ADGRB3: variants seen among roughly 807,000 people sequenced by gnomAD.
ADGRB3 encodes brain-specific angiogenesis inhibitor 3.
ADGRB3 carries 37 observed loss-of-function variants against 193.4 expected under a neutral mutation model. That is an observed-to-expected ratio of 0.19 (90% CI 0.15 to 0.25). ADGRB3 has a LOEUF of 0.25. Ranked by LOEUF, ADGRB3 falls within the 10% of genes least tolerant of loss-of-function variation. The probability of loss-of-function intolerance (pLI) is 1.00; values close to 1 mark genes in which losing one functional copy is unlikely to be tolerated. For synonymous variants in ADGRB3, 690 were observed against 644.2 expected (o/e 1.07, Z -1.08); for missense variants, 1,637 against 1,852.9 (o/e 0.88, Z 2.14).
chr6:69,351,249 C>T (rs990355913), intron 26 of ADGRB3, among the ~76,000 whole-genome samples: 3 of 152,036 alleles, frequency 2.0e-5, no homozygotes, highest in Admixed American at 6.6e-5. Flanking sequence ...CCTGCCACCA[C>T]GCCCTGCTAA....
chr6:69,108,502 T>C (rs1231535985), intron 17 of ADGRB3, among the ~76,000 whole-genome samples: 2 of 152,082 alleles, frequency 1.3e-5, no homozygotes, highest in Non-Finnish European at 1.5e-5. Flanking sequence ...TTCTTTCAGC[T>C]TGCAATGCAG....
chr6:69,058,604 C>T (rs1489511042), intron 15 of ADGRB3, among the ~76,000 whole-genome samples: 1 of 151,714 alleles, frequency 6.6e-6, no homozygotes, highest in Non-Finnish European at 1.5e-5. Context: ...CTCTTAGTAC[C>T]TTTTTGCTGC....
intron 3 of ADGRB3, among the ~76,000 whole-genome samples, chr6:68,653,117 T>C (rs1344809872): frequency 6.6e-6 from 1 of 152,048 alleles, no homozygotes; most frequent in Non-Finnish European, 1.5e-5. Flanking sequence ...ACTGTGAAAG[T>C]GTCTTTGTTT....
intron 11 of ADGRB3, among the ~76,000 whole-genome samples, chr6:68,997,192 A>G (rs1167219621): frequency 6.6e-6 from 1 of 152,312 alleles, no homozygotes; most frequent in African/African-American, 2.4e-5. Context: ...AAAAGTTTGG[A>G]TATCTGGTTA....
At chr6:68,730,434 AC>A (rs1765751426) in intron 3 of ADGRB3, among the ~76,000 whole-genome samples, 1 of 151,686 alleles carries the variant, frequency 6.6e-6, no homozygotes, top group African/African-American at 2.4e-5. Context: ...GAATTATGAC[AC>A]AAATCCAGGA....
intron 3 of ADGRB3, among the ~76,000 whole-genome samples, chr6:68,677,521 C>CTTTTTTTTCTTTTTTTCT (rs1769124213): frequency 8.3e-6 from 1 of 120,336 alleles, no homozygotes; most frequent in Non-Finnish European, 1.7e-5. Flanking sequence ...TTCTTTTTTT[C>CTTTTTTTTCTTTTTTTCT]TTTTTTTTTT....
chr6:68,905,161 A>G (rs1349112510), intron 3 of ADGRB3, among the ~76,000 whole-genome samples: 2 of 152,186 alleles, frequency 1.3e-5, no homozygotes, highest in African/African-American at 4.8e-5. Flanking sequence ...TAAGTATTAT[A>G]TAACGATCTG....
chr6:69,101,433 CGTGTGTGTGT>C (rs59471051), intron 17 of ADGRB3, among the ~76,000 whole-genome samples: 6 of 145,396 alleles, frequency 4.1e-5, no homozygotes, highest in Admixed American at 1.4e-4. Flanking sequence ...CAGTAAGTAT[CGTGTGTGTGT>C]GTGTGTGTGT....
intron 3 of ADGRB3, among the ~76,000 whole-genome samples, chr6:68,918,377 T>G (rs1463130561): frequency 1.3e-5 from 2 of 152,330 alleles, no homozygotes; most frequent in Non-Finnish European, 2.9e-5. Flanking sequence ...TATTCTGGAC[T>G]CCTTGCTAGA....
chr6:69,109,234 T>A (rs1773300892), intron 17 of ADGRB3, among the ~76,000 whole-genome samples: 1 of 152,182 alleles, frequency 6.6e-6, no homozygotes, highest in Admixed American at 6.5e-5. Flanking sequence ...AGCTCATTCA[T>A]GAAATAAATG....
chr6:68,963,185 G>A (rs1768282000), intron 8 of ADGRB3, among the ~76,000 whole-genome samples: 1 of 152,080 alleles, frequency 6.6e-6, no homozygotes, highest in Non-Finnish European at 1.5e-5. Flanking sequence ...CCTGAACTAT[G>A]GAGTCCAACA....
intron 11 of ADGRB3, among the ~76,000 whole-genome samples, chr6:69,000,445 G>A (rs1049149099): frequency 6.6e-6 from 1 of 152,050 alleles, no homozygotes; most frequent in Non-Finnish European, 1.5e-5. Flanking sequence ...ACTCATAGCC[G>A]ACAGCACTTT....
chr6:69,018,360 T>C, intron 12 of ADGRB3, 31 bp from the exon 13 acceptor site: 1 of 1,417,470 alleles, frequency 7.1e-7, no homozygotes. Context: ...ATAGATTTTT[T>C]ATTCCTTCTA....
chr6:68,965,340 G>A (rs897777595), intron 8 of ADGRB3, among the ~76,000 whole-genome samples: 1 of 152,212 alleles, frequency 6.6e-6, no homozygotes, highest in Non-Finnish European at 1.5e-5. Context: ...CACTGGATCC[G>A]TCTTATTTTC....
intron 8 of ADGRB3, among the ~76,000 whole-genome samples, chr6:68,972,977 C>T (rs893638195): frequency 5.3e-5 from 8 of 152,120 alleles, no homozygotes; most frequent in African/African-American, 1.7e-4. Flanking sequence ...TAGGAGGAGA[C>T]AGCTTATGAA....
chr6:68,792,845 G>A (rs1350964975), intron 3 of ADGRB3, among the ~76,000 whole-genome samples: 1 of 152,078 alleles, frequency 6.6e-6, no homozygotes, highest in Non-Finnish European at 1.5e-5. Flanking sequence ...CAAATGTCCA[G>A]GATTACTCCA....
At chr6:68,742,448 C>T (rs1766000321) in intron 3 of ADGRB3, among the ~76,000 whole-genome samples, 1 of 151,938 alleles carries the variant, frequency 6.6e-6, no homozygotes, top group Non-Finnish European at 1.5e-5. Context: ...CTATATTAAT[C>T]ATTCTCAGGA....
chr6:68,644,372 G>A (rs1313338676), intron 3 of ADGRB3, among the ~76,000 whole-genome samples: 1 of 151,966 alleles, frequency 6.6e-6, no homozygotes, highest in Non-Finnish European at 1.5e-5. Context: ...AAATGTCAAT[G>A]ATAAATAGAA....
chr6:68,813,628 C>T (rs949344687), intron 3 of ADGRB3, among the ~76,000 whole-genome samples: 2 of 151,326 alleles, frequency 1.3e-5, no homozygotes, highest in African/African-American at 2.4e-5. Flanking sequence ...CATATGTATA[C>T]GTGTGCCATG....
Sources: allele counts gnomAD v4.1 joint callset (sites outside exome capture counted in the v4.1 genomes callset), GRCh38; gene constraint gnomAD v4.1.1; transcripts MANE v1.5; gene names NCBI Gene and HGNC (gene_info 2026-07-23, HGNC 2026-07-21).